Variants in TBP observed in about 807,000 individuals in gnomAD.
TBP encodes TATA-box binding protein, also known as TATA-box-binding protein.
TBP carries 12 observed loss-of-function variants against 46.2 expected under a neutral mutation model. The ratio of observed to expected loss-of-function variants is 0.26; its 90% CI spans 0.17 to 0.42. The LOEUF (loss-of-function observed/expected upper bound fraction) is 0.42, where lower values mean the gene tolerates loss of function less well. Among genes scored for constraint, TBP ranks in the 10% least tolerant of loss-of-function variants. TBP has a pLI of 1.00. For missense variants in TBP, 229 were observed against 403.1 expected (o/e 0.57, Z 3.70); for synonymous variants, 157 against 148.3 (o/e 1.06, Z -0.42).
chr6:170,559,210 T>C (rs191207771), intron 2 of TBP, among the ~76,000 whole-genome samples: 2 of 152,230 alleles, frequency 1.3e-5, no homozygotes. Flanking sequence ...TACAGTGACT[T>C]TTAATTAAGT....
intron 2 of TBP, 120 bp from the exon 3 acceptor site, chr6:170,561,671 A>T: frequency 6.7e-7 from 1 of 1,500,190 alleles, no homozygotes; most frequent in Non-Finnish European, 8.9e-7. Flanking sequence ...AATGTTTAAT[A>T]ACCCCATTAT....
Position 170,568,963 on chromosome 6 carries a change from G to C in TBP, c.678-649G>C, listed in dbSNP as rs1583133329. Among the ~76,000 whole-genome samples the C allele has an allele frequency of 4.0e-5, 6 of 151,046 alleles. No individual in the cohort carries two copies. In the South Asian group the frequency reaches 1.3e-3, roughly 32 times the overall value. ...AAGTAGCTGGGATTGCAGGTGCCTG[G>C]CACCATGCCCAGCTAATTTTTGTAT... On this transcript the variant is annotated intron_variant, in intron 5 of 7. Transcript: ENST00000392092.
intron 3 of TBP, among the ~76,000 whole-genome samples, 157 bp from the exon 4 acceptor site, chr6:170,564,388 C>T (rs970546023): frequency 1.3e-5 from 2 of 152,098 alleles, no homozygotes; most frequent in African/African-American, 4.8e-5. Context: ...ATAAAATGCT[C>T]AACATGTGCA....
chr6:170,569,214 A>G (rs1022447155), intron 5 of TBP, among the ~76,000 whole-genome samples: 1 of 152,372 alleles, frequency 6.6e-6, no homozygotes, highest in South Asian at 2.1e-4. Flanking sequence ...GGTATAAAAG[A>G]GGATAGAATT....
chr6:170,564,206 T>G (rs1779200729), intron 3 of TBP, among the ~76,000 whole-genome samples: 1 of 152,208 alleles, frequency 6.6e-6, no homozygotes, highest in Non-Finnish European at 1.5e-5. Flanking sequence ...GTGAGAAGGC[T>G]AAGGGCAGGC....
intron 6 of TBP, among the ~76,000 whole-genome samples, chr6:170,570,305 G>A (rs1779345636): frequency 6.6e-6 from 1 of 152,116 alleles, no homozygotes; most frequent in Non-Finnish European, 1.5e-5. Context: ...GTGTGCCCCT[G>A]GGGCTCACTT....
chr6:170,558,263 T>G (rs1307741792), intron 2 of TBP, among the ~76,000 whole-genome samples: 1 of 152,264 alleles, frequency 6.6e-6, no homozygotes, highest in Non-Finnish European at 1.5e-5. Context: ...TATAACTTTA[T>G]AAGAAACTGC....
At chr6:170,563,123 C>A (rs1004770000) in intron 3 of TBP, among the ~76,000 whole-genome samples, 1 of 152,156 alleles carries the variant, frequency 6.6e-6, no homozygotes, top group Non-Finnish European at 1.5e-5. Context: ...ATTTTAAAAA[C>A]AAAGTAATTT....
Position 170,554,483 on chromosome 6 carries a change from T to A in TBP, c.-149+20T>A, listed in dbSNP as rs1350115011. The A allele has an allele frequency of 6.6e-6, 1 of 152,564 alleles. No individual in the cohort carries two copies. Among genetic ancestry groups the A allele is most frequent in the Non-Finnish European group, 1.5e-5 (1 of 68,328 alleles). 9.5% of individuals were successfully genotyped at this position (152,564 alleles called of 1,614,324 possible). A position where few individuals can be genotyped will look rare whatever the true frequency, so the allele number is the denominator to read the frequency against. On this transcript the variant is annotated intron_variant, in intron 1 of 7. Transcript: ENST00000392092. ...ACCCAGGTAACAGATTGTACTCTTT[T>A]CTGACGGTTCGGGCGAAGGCCACCA...
chr6:170,571,887 G>A (rs891472692), intron 7 of TBP, among the ~76,000 whole-genome samples: 2 of 151,798 alleles, frequency 1.3e-5, no homozygotes, highest in Non-Finnish European at 2.9e-5. Flanking sequence ...TGTTATCATT[G>A]CCGTCCTGCT....
rs569952731 is a variant in TBP, at chr6:170,562,425, C to T, written c.497+192C>T. On this transcript the variant is annotated intron_variant, in intron 3 of 7. Coordinates refer to ENST00000392092, the MANE Select transcript of TBP (RefSeq NM_003194.5). ...CTTAGTCAGTGTCCTCAGTAAAAGG[C>T]TCTTAACAGGTTTAGAAATGTGGTC... Among the ~76,000 whole-genome samples, 9 of 152,246 alleles carry T rather than the reference C, an allele frequency of 5.9e-5. No individual in the cohort carries two copies. The East Asian group carries it at 1.7e-3, about 29-fold the overall frequency.
intron 1 of TBP, chr6:170,554,804 C>G (rs1431075615): frequency 6.6e-6 from 1 of 152,320 alleles, no homozygotes; most frequent in Non-Finnish European, 1.5e-5. Context: ...CGCTTCTTCT[C>G]CATGTTAGAA....
chr6:170,564,274 A>G (rs1199482135), intron 3 of TBP, among the ~76,000 whole-genome samples: 1 of 152,244 alleles, frequency 6.6e-6, no homozygotes, highest in Non-Finnish European at 1.5e-5. Context: ...TTGCGTCCTG[A>G]GCAAGTTGCA....
rs1779380988 is a variant in TBP at position 170,572,388 on chromosome 6, G to A, written c.*123G>A. 2.4e-6 allele frequency: 2 copies of A among 820,334 alleles called. No homozygotes were observed. Among genetic ancestry groups the A allele is most frequent in the Non-Finnish European group, 3.9e-6 (2 of 510,418 alleles). The allele number at this position is 820,334 out of a possible 1,614,324, so 50.8% of individuals were successfully genotyped here. A position where few individuals can be genotyped will look rare whatever the true frequency, so the allele number is the denominator to read the frequency against. The stretch of plus-strand genomic sequence containing the variant: ...GATGGATGTTGAGTTGCAGGGTGTG[G>A]CACCAGGTGATGCCCTTCTGTAAGT... On this transcript the variant is annotated 3_prime_UTR_variant, in exon 8 of 8. Coordinates refer to ENST00000392092, the MANE Select transcript of TBP (RefSeq NM_003194.5).
At chr6:170,571,382 T>G (rs1252210222) in intron 6 of TBP, 28 bp from the exon 7 acceptor site, 1 of 1,540,746 alleles carries the variant, frequency 6.5e-7, no homozygotes, top group Non-Finnish European at 8.9e-7. Context: ...GCTCTTGATT[T>G]CTAAACTTTT....
At chr6:170,558,696 T>C (rs967796939) in intron 2 of TBP, among the ~76,000 whole-genome samples, 10 of 149,490 alleles carry the variant, frequency 6.7e-5, no homozygotes, top group African/African-American at 2.5e-4. Context: ...TTTTTTTTTG[T>C]ATTTTTTTTT....
At chr6:170,563,481 T>G (rs1219471859) in intron 3 of TBP, among the ~76,000 whole-genome samples, 1 of 152,226 alleles carries the variant, frequency 6.6e-6, no homozygotes, top group East Asian at 1.9e-4. Context: ...ACTAAAGTTG[T>G]GATAGATATA....
intron 2 of TBP, among the ~76,000 whole-genome samples, chr6:170,558,460 C>T (rs926198204): frequency 1.2e-4 from 19 of 152,282 alleles, no homozygotes; most frequent in Non-Finnish European, 2.5e-4. Flanking sequence ...TTGGCAAGTG[C>T]TTGTCAGCCA....
chr6:170,555,081 G>A (rs1778991147), intron 1 of TBP, among the ~76,000 whole-genome samples: 1 of 152,066 alleles, frequency 6.6e-6, no homozygotes, highest in Admixed American at 6.6e-5. Context: ...AAAAAATATC[G>A]GATTTGATGT....
Sources: allele counts gnomAD v4.1 joint callset (sites outside exome capture counted in the v4.1 genomes callset), GRCh38; gene constraint gnomAD v4.1.1; transcripts MANE v1.5; gene names NCBI Gene and HGNC (gene_info 2026-07-23, HGNC 2026-07-21).